The following UBXN6 variants were observed in gnomAD, a reference collection of about 807,000 sequenced individuals.
UBXN6 encodes UBX domain-containing protein 6.
In UBXN6, 44 loss-of-function variants were observed where a neutral mutation model predicts 51.4. That is an observed-to-expected ratio of 0.86 (90% CI 0.67 to 1.10). UBXN6 has a LOEUF of 1.10. UBXN6 is among the 50% of genes least tolerant of loss of function. UBXN6 has a pLI of 0.00. For synonymous variants in UBXN6, 316 were observed against 263.2 expected (o/e 1.20, Z -1.94); for missense variants, 672 against 596.1 (o/e 1.13, Z -1.32).
Position 4,450,758 on chromosome 19 carries a change from CAAAAAAAAAAAAA to C in UBXN6, c.441+1593_441+1605del, listed in dbSNP as rs58900477. ...TGGGCGACAGAGCGAGACTCTGTCT[CAAAAAAAAAAAAA>C]AAAAAAAAAAAAAAAGAGTGCCTAC... is the stretch of plus-strand genomic sequence containing the variant. On this transcript the variant is annotated intron_variant, in intron 4 of 10. Coordinates refer to ENST00000301281, the MANE Select transcript of UBXN6 (RefSeq NM_025241.3). 33 of 43,804 alleles carry C rather than the reference CAAAAAAAAAAAAA, an allele frequency of 7.5e-4. No individual in the cohort carries two copies. In the East Asian group the frequency reaches 9.6e-3, roughly 13 times the overall value. 2.7% of individuals were successfully genotyped at this position (43,804 alleles called of 1,614,324 possible).
intron 2 of UBXN6, 57 bp downstream of exon 2, chr19:4,453,873 C>T: frequency 6.7e-7 from 1 of 1,490,652 alleles, no homozygotes; most frequent in Admixed American, 2.3e-5. Flanking sequence ...GGGCCAGGCA[C>T]CAGGGCCGAG....
In UBXN6 at chr19:4,453,472, G is replaced by C; in HGVS notation, c.298C>G (p.Pro100Ala). 3 of 1,613,668 alleles carry C rather than the reference G, an allele frequency of 1.9e-6. No individual in the cohort carries two copies. The highest frequency in any genetic ancestry group is 2.5e-6 in the Non-Finnish European group (3 of 1,179,862). Residue 100 changes from proline (P) to alanine (A), a missense_variant, in exon 3 of 11, where the codon CCA (proline) becomes GCA (alanine). Physicochemically the swap from Pro to Ala is conservative, Grantham distance 27 (BLOSUM62 -1). Coordinates refer to ENST00000301281, the MANE Select transcript of UBXN6 (RefSeq NM_025241.3). ...GCTGTTCTTACCACGTTGGTCCCTGGGGCCTCGGGGCTCCCGCTGACGGTG... is the reference window on the plus strand; with the variant it reads ...GCTGTTCTTACCACGTTGGTCCCTGCGGCCTCGGGGCTCCCGCTGACGGTG... Reference protein sequence around the residue: ...EATVSGSPEAPGTNVVSEPRE... With the variant: ...EATVSGSPEAAGTNVVSEPRE...
At chr19:4,448,258 T>C (rs1974580380) in intron 5 of UBXN6, 60 bp downstream of exon 5, 3 of 1,451,168 alleles carry the variant, frequency 2.1e-6, no homozygotes, top group Non-Finnish European at 2.8e-6. Flanking sequence ...ACAGCCCCAG[T>C]GGGAGGGGTG....
In UBXN6 at chr19:4,447,571, C is replaced by T. The variant is rs1974562117; in HGVS notation, c.594G>A (p.Lys198=). 6.2e-7 allele frequency: 1 copy of T among 1,613,682 alleles called. No individual in the cohort carries two copies. Among genetic ancestry groups the T allele is most frequent in the Admixed American group, 1.7e-5 (1 of 60,002 alleles). Residue 198 remains lysine (K), a synonymous_variant, in exon 6 of 11, where the codon AAG becomes AAA. Coordinates refer to ENST00000301281, the MANE Select transcript of UBXN6 (RefSeq NM_025241.3). ...HPEEEKYRKI[K]LQNKVFQERI... ...CCACCTGAAACACCTTGTTCTGCAG[C>T]TTGATCTTCCGGTACTTCTCCTCCT...
chr19:4,450,829 A>C (rs2145182551), intron 4 of UBXN6: 1 of 151,874 alleles, frequency 6.6e-6, no homozygotes, highest in South Asian at 2.1e-4. Context: ...CTATCTACTA[A>C]ATAATGTAGA....
chr19:4,446,922 TG>T lies in UBXN6; in HGVS notation c.616-3del. 2 of 1,613,706 alleles carry T rather than the reference TG, an allele frequency of 1.2e-6. No homozygotes were observed. Among genetic ancestry groups the T allele is most frequent in the Non-Finnish European group, 1.7e-6 (2 of 1,179,916 alleles). ...CCCTTCCAGGCAGTTAATGCGCTCCTGGGGGTGGAGATGGGCGTCACTGGGG... is the reference window on the plus strand; with the variant it reads ...CCCTTCCAGGCAGTTAATGCGCTCCTGGGGTGGAGATGGGCGTCACTGGGG... On this transcript the variant is annotated splice_region_variant and splice_polypyrimidine_tract_variant and intron_variant, in intron 6 of 10. Transcript: ENST00000301281.
chr19:4,452,121 C>T (rs967149690), intron 4 of UBXN6, among the ~76,000 whole-genome samples: 4 of 150,942 alleles, frequency 2.7e-5, no homozygotes, highest in African/African-American at 9.8e-5. Context: ...TGCACTCCAG[C>T]CTGGGTGTCA....
Position 4,446,107 on chromosome 19 carries a change from G to A in UBXN6, c.1142C>T (p.Ala381Val). Residue 381 changes from alanine to valine, a missense_variant, in exon 10 of 11, where the codon GCC becomes GTC. Coordinates refer to ENST00000301281, the MANE Select transcript of UBXN6 (RefSeq NM_025241.3). ...QSDWLPFELL[A>V]SGGQKLSEDE... Reference sequence around the variant, plus strand: ...CTCGGACAGCTTCTGCCCTCCCGAGGCCAGCAGCTCAAAAGGCAGCCAGTC... The same window carrying A: ...CTCGGACAGCTTCTGCCCTCCCGAGACCAGCAGCTCAAAAGGCAGCCAGTC... 4 of 1,612,694 alleles carry A rather than the reference G, an allele frequency of 2.5e-6. No individual in the cohort carries two copies. Among genetic ancestry groups the A allele is most frequent in the Non-Finnish European group, 3.4e-6 (4 of 1,179,914 alleles).
Position 4,446,332 on chromosome 19 carries a change from G to C in UBXN6, c.1002C>G (p.Tyr334Ter), listed in dbSNP as rs1408433934. Residue 334 changes from tyrosine (Y) to a stop codon, truncating the protein, a stop_gained, in exon 9 of 11, where the codon TAC becomes TAG. Transcript: ENST00000301281. LOFTEE classifies it high-confidence loss of function. ...EKEEQRGLRK[Y>*]NYTLLRVRLP... is the part of the protein sequence containing the mutation. ...GGCGCACGCGCAGCAGCGTGTAGTTGTACTTGCGCAGCCCCCGCTGCTCCT... is the reference window on the plus strand; with the variant it reads ...GGCGCACGCGCAGCAGCGTGTAGTTCTACTTGCGCAGCCCCCGCTGCTCCT... The C allele has an allele frequency of 1.3e-6, 2 of 1,572,678 alleles. No individual in the cohort carries two copies. Among genetic ancestry groups the C allele is most frequent in the Non-Finnish European group, 1.7e-6 (2 of 1,165,408 alleles).
intron 1 of UBXN6, 151 bp from the exon 2 acceptor site, chr19:4,454,244 G>A: frequency 1.3e-6 from 1 of 762,126 alleles, no homozygotes; most frequent in Non-Finnish European, 2.0e-6. Flanking sequence ...GTTCCCAGGG[G>A]CCACCTGCAG....
At chr19:4,450,341 T>G (rs1247112688) in intron 4 of UBXN6, 2 of 151,754 alleles carry the variant, frequency 1.3e-5, no homozygotes, top group Non-Finnish European at 2.9e-5. Context: ...AACTGACACA[T>G]TTAATTATAC....
intron 4 of UBXN6, among the ~76,000 whole-genome samples, chr19:4,451,385 A>T (rs535137314): frequency 1.3e-5 from 2 of 152,184 alleles, no homozygotes; most frequent in East Asian, 3.9e-4. Flanking sequence ...AAAGGGTCTC[A>T]CTTGTCACCC....
chr19:4,446,522 TCTC>T lies in UBXN6; in HGVS notation c.895_897del (p.Glu299del), dbSNP rs754025089. The T allele has an allele frequency of 2.7e-5, 43 of 1,610,986 alleles. No homozygotes were observed. The highest frequency in any genetic ancestry group is 1.4e-4 in the South Asian group (13 of 91,048). The stretch of plus-strand genomic sequence containing the variant: ...CACCTGAGCCTCTGCTCCCGCTTGA[TCTC>T]CTCTGCTGTGAGGTTGAAGAAGTCC... On this transcript the variant is annotated inframe_deletion, in exon 8 of 11. Coordinates refer to ENST00000301281, the MANE Select transcript of UBXN6 (RefSeq NM_025241.3).
At chr19:4,453,374 G>A (rs1974686949) in intron 3 of UBXN6, 84 bp downstream of exon 3, 1 of 1,481,892 alleles carries the variant, frequency 6.7e-7, no homozygotes, top group Non-Finnish European at 9.3e-7. Context: ...GAGCCCCAAG[G>A]GCAGAGGCCA....
chr19:4,456,936 G>T (rs1388241589), intron 1 of UBXN6, among the ~76,000 whole-genome samples: 1 of 151,956 alleles, frequency 6.6e-6, no homozygotes, highest in Non-Finnish European at 1.5e-5. Context: ...GGACATCCCA[G>T]GTCACTGACG....
chr19:4,455,861 C>T (rs1296959434), intron 1 of UBXN6, among the ~76,000 whole-genome samples: 1 of 152,088 alleles, frequency 6.6e-6, no homozygotes, highest in Non-Finnish European at 1.5e-5. Flanking sequence ...TCCCAAACCA[C>T]CTGACGGCCC....
intron 4 of UBXN6, chr19:4,450,787 G>C (rs912242714): frequency 3.2e-5 from 3 of 93,350 alleles, no homozygotes; most frequent in African/African-American, 1.1e-4. Flanking sequence ...AAAAAAAAAA[G>C]AGTGCCTACA....
intron 1 of UBXN6, among the ~76,000 whole-genome samples, chr19:4,456,067 G>T (rs975302407): frequency 4.6e-5 from 7 of 150,604 alleles, no homozygotes; most frequent in Admixed American, 2.0e-4. Flanking sequence ...CCCTGGATAT[G>T]CAGTCTCGCT....
intron 4 of UBXN6, chr19:4,450,727 C>T (rs1032089799): frequency 3.1e-5 from 4 of 130,600 alleles, no homozygotes; most frequent in Non-Finnish European, 6.2e-5. Context: ...CCACTGCACT[C>T]CAGCCTGGGC....
Sources: allele counts gnomAD v4.1 joint callset (sites outside exome capture counted in the v4.1 genomes callset), GRCh38; gene constraint gnomAD v4.1.1; transcripts MANE v1.5; gene names NCBI Gene and HGNC (gene_info 2026-07-23, HGNC 2026-07-21).